Variants in CDH4 observed in about 807,000 individuals in gnomAD.
The protein encoded by CDH4 is cadherin-4.
In CDH4, 33 loss-of-function variants were observed where a neutral mutation model predicts 86.0. That is an observed-to-expected ratio of 0.38 (90% CI 0.29 to 0.51). The LOEUF is 0.51. Ranked by LOEUF, CDH4 falls within the 20% of genes least tolerant of loss-of-function variation. The pLI, the probability that CDH4 is intolerant of heterozygous loss-of-function variation, is 0.86. For missense variants in CDH4, 1,114 were observed against 1,307.4 expected, an observed-to-expected ratio of 0.85 and a Z score of 2.28; for synonymous variants, 555 against 549.4, an observed-to-expected ratio of 1.01 and a Z score of -0.14.
At chr20:61,541,321 A>G (rs908748951) in intron 2 of CDH4, among the ~76,000 whole-genome samples, 9 of 152,222 alleles carry the variant, frequency 5.9e-5, no homozygotes, top group African/African-American at 2.2e-4. Flanking sequence ...GCAAGGACGA[A>G]GCTCCTCCTG....
intron 8 of CDH4, among the ~76,000 whole-genome samples, chr20:61,904,278 C>G (rs2054764074): frequency 6.6e-6 from 1 of 152,170 alleles, no homozygotes; most frequent in African/African-American, 2.4e-5. Flanking sequence ...GTGGGGCTCC[C>G]AGTCCTCTGG....
intron 2 of CDH4, among the ~76,000 whole-genome samples, chr20:61,443,882 G>A (rs1035702091): frequency 1.3e-5 from 2 of 151,532 alleles, no homozygotes; most frequent in Non-Finnish European, 1.5e-5. Context: ...ATCTCTGTGT[G>A]TCTGTGTATG....
intron 4 of CDH4, among the ~76,000 whole-genome samples, chr20:61,774,517 T>C (rs895724733): frequency 6.6e-6 from 1 of 152,242 alleles, no homozygotes. Context: ...TGATTCATTT[T>C]TTTTCCAACT....
chr20:61,587,930 C>T (rs1217546211), intron 2 of CDH4, among the ~76,000 whole-genome samples: 4 of 152,214 alleles, frequency 2.6e-5, no homozygotes, highest in African/African-American at 9.6e-5. Context: ...ACCTCGGAGT[C>T]AACCGGCGTT....
chr20:61,939,447 G>A lies in CDH4; in HGVS notation c.*2504G>A, dbSNP rs982756471. 2 of 152,272 alleles carry A rather than the reference G, an allele frequency of 1.3e-5. No homozygotes were observed. Among genetic ancestry groups the A allele is most frequent in the East Asian group, 1.9e-4 (1 of 5,188 alleles). The allele number at this position is 152,272 out of a possible 1,614,324, so 9.4% of individuals were successfully genotyped here. A position where few individuals can be genotyped will look rare whatever the true frequency, so the allele number is the denominator to read the frequency against. The stretch of plus-strand genomic sequence containing the variant: ...CGGAAGCTGCAGTGCCAGCTGGAGG[G>A]ATGTTCATAGGGCTTCCTGTGCCCA... On this transcript the variant is annotated 3_prime_UTR_variant, in exon 16 of 16. Coordinates refer to ENST00000614565, the MANE Select transcript of CDH4 (RefSeq NM_001794.5).
chr20:61,665,140 G>A (rs891516129), intron 2 of CDH4, among the ~76,000 whole-genome samples: 12 of 152,192 alleles, frequency 7.9e-5, no homozygotes, highest in African/African-American at 2.7e-4. Context: ...AGCCGGATCC[G>A]GGTGCCGCAG....
At chr20:61,594,550 G>A (rs1036005478) in intron 2 of CDH4, among the ~76,000 whole-genome samples, 1 of 152,226 alleles carries the variant, frequency 6.6e-6, no homozygotes, top group Non-Finnish European at 1.5e-5. Flanking sequence ...CTGGGAGGGT[G>A]AGTGGGGCAG....
chr20:61,874,024 C>CGAGAA (rs1983917706), intron 7 of CDH4, 124 bp downstream of exon 7: 2 of 992,630 alleles, frequency 2.0e-6, no homozygotes, highest in Admixed American at 4.5e-5. Context: ...TCCCCAGTGG[C>CGAGAA]ACTCTCTTGC....
chr20:61,845,435 C>T (rs563990599), intron 5 of CDH4, among the ~76,000 whole-genome samples: 50 of 152,316 alleles, frequency 3.3e-4, no homozygotes, highest in South Asian at 2.9e-3. Flanking sequence ...CTTCTCCTCC[C>T]GGGCCGAACT....
chr20:61,298,238 G>A (rs769994759), intron 2 of CDH4, among the ~76,000 whole-genome samples: 4 of 152,168 alleles, frequency 2.6e-5, no homozygotes, highest in African/African-American at 4.8e-5. Context: ...AGTCCTGACC[G>A]CTATAAGCAT....
Position 61,928,229 on chromosome 20 carries a change from A to T in CDH4, c.1811A>T (p.Tyr604Phe). 1.2e-6 allele frequency: 2 copies of T among 1,604,814 alleles called. No individual in the cohort carries two copies. Among genetic ancestry groups the T allele is most frequent in the Non-Finnish European group, 1.7e-6 (2 of 1,179,914 alleles). ...AGCGGCACCGGGACCCTCCAGATCTATCTCATTGACATCAACGACAACGCC... is the reference window on the plus strand; with the variant it reads ...AGCGGCACCGGGACCCTCCAGATCTTTCTCATTGACATCAACGACAACGCC... ...PASGTGTLQI[Y>F]LIDINDNAPE... is the part of the protein sequence containing the mutation. The change falls in exon 12 of 16, where the codon TAT becomes TTT. Residue 604 changes from tyrosine (Y) to phenylalanine (F), a missense_variant. Transcript: ENST00000614565.
chr20:61,352,238 A>G (rs2123302137), intron 2 of CDH4, among the ~76,000 whole-genome samples: 1 of 152,324 alleles, frequency 6.6e-6, no homozygotes, highest in East Asian at 1.9e-4. Context: ...GACAATGTGC[A>G]AAGTTTGTCT....
intron 2 of CDH4, among the ~76,000 whole-genome samples, chr20:61,726,989 CCAT>C (rs1435347972): frequency 6.6e-6 from 1 of 151,556 alleles, no homozygotes; most frequent in Non-Finnish European, 1.5e-5. Context: ...ACCATAGGTA[CCAT>C]CATCATCACC....
At chr20:61,483,712 A>G (rs535643219) in intron 2 of CDH4, among the ~76,000 whole-genome samples, 26 of 140,470 alleles carry the variant, frequency 1.9e-4, no homozygotes, top group African/African-American at 6.4e-4. Flanking sequence ...CACACACACA[A>G]ATAGCCTAAG....
chr20:61,894,281 T>G (rs1332161229), intron 7 of CDH4, among the ~76,000 whole-genome samples: 2 of 152,166 alleles, frequency 1.3e-5, no homozygotes. Context: ...TCAGACTCCT[T>G]CAATGCCTAA....
chr20:61,695,457 G>C lies in CDH4; in HGVS notation c.170-48106G>C, dbSNP rs149388431. Among the ~76,000 whole-genome samples, 467 of 152,306 alleles carry C rather than the reference G, an allele frequency of 3.1e-3. 2 individuals carry two copies. Among genetic ancestry groups the C allele is most frequent in the African/African-American group, 0.011 (444 of 41,556 alleles). On this transcript the variant is annotated intron_variant, in intron 2 of 15. Coordinates refer to ENST00000614565, the MANE Select transcript of CDH4 (RefSeq NM_001794.5). ...TCAGGAGAAACTGAGTACAGTCTAGGGGTGCCCAGCAAGCCCCTTTCCATG... is the reference window on the plus strand; with the variant it reads ...TCAGGAGAAACTGAGTACAGTCTAGCGGTGCCCAGCAAGCCCCTTTCCATG...
chr20:61,690,834 C>T (rs930291129), intron 2 of CDH4, among the ~76,000 whole-genome samples: 1 of 152,014 alleles, frequency 6.6e-6, no homozygotes, highest in Non-Finnish European at 1.5e-5. Context: ...TTAGGTTTTC[C>T]AGAGTCTGTG....
At chr20:61,583,077 G>A (rs965142870) in intron 2 of CDH4, among the ~76,000 whole-genome samples, 2 of 151,174 alleles carry the variant, frequency 1.3e-5, no homozygotes, top group African/African-American at 2.4e-5. Context: ...TGTTTGTGGT[G>A]GAGGTCAGAG....
chr20:61,421,506 T>C (rs1435819638), intron 2 of CDH4, among the ~76,000 whole-genome samples: 5 of 151,984 alleles, frequency 3.3e-5, no homozygotes, highest in South Asian at 4.2e-4. Flanking sequence ...AGGGTGGAGG[T>C]TGCGTTTCAG....
Sources: allele counts gnomAD v4.1 joint callset (sites outside exome capture counted in the v4.1 genomes callset), GRCh38; gene constraint gnomAD v4.1.1; transcripts MANE v1.5; gene names NCBI Gene and HGNC (gene_info 2026-07-23, HGNC 2026-07-21).